Variants in FTO observed in about 807,000 individuals in gnomAD.
The protein encoded by FTO is alpha-ketoglutarate-dependent dioxygenase FTO.
In FTO, 47 loss-of-function variants were observed where a neutral mutation model predicts 63.9. That is an observed-to-expected ratio of 0.74 (90% CI 0.58 to 0.94). FTO has a LOEUF of 0.94. Among genes scored for constraint, FTO ranks in the 40% least tolerant of loss-of-function variants. The pLI is 0.00. For missense variants in FTO, 562 were observed against 618.1 expected (o/e 0.91, Z 0.96); for synonymous variants, 207 against 224.4 (o/e 0.92, Z 0.69).
intron 8 of FTO, among the ~76,000 whole-genome samples, chr16:54,065,193 C>T (rs1275608843): frequency 1.4e-5 from 2 of 147,952 alleles, no homozygotes; most frequent in African/African-American, 5.0e-5. Flanking sequence ...GGTCTTGCTC[C>T]ATCATCCAGT....
intron 8 of FTO, among the ~76,000 whole-genome samples, chr16:54,023,477 A>G (rs1244075068): frequency 6.6e-6 from 1 of 152,192 alleles, no homozygotes; most frequent in African/African-American, 2.4e-5. Flanking sequence ...ACCAAGGATA[A>G]TAATCTCACA....
chr16:54,119,373 A>G lies in FTO; in HGVS notation c.*7458A>G, dbSNP rs1386947762. 3 of 152,236 alleles carry G rather than the reference A, an allele frequency of 2.0e-5. No homozygotes were observed. The highest frequency in any genetic ancestry group is 7.2e-5 in the African/African-American group (3 of 41,462). 9.4% of individuals were successfully genotyped at this position (152,236 alleles called of 1,614,324 possible). On this transcript the variant is annotated 3_prime_UTR_variant, in exon 9 of 9. Coordinates refer to ENST00000471389, the MANE Select transcript of FTO (RefSeq NM_001080432.3). ...CAAGAGATGAATCAGTTTCTCAGAC[A>G]GCCAAAGCCGTGGCTTATAACTCAT...
chr16:53,904,505 CA>C (rs1217053125), intron 7 of FTO, among the ~76,000 whole-genome samples: 1 of 152,190 alleles, frequency 6.6e-6, no homozygotes, highest in Non-Finnish European at 1.5e-5. Context: ...ACTTGTGCGT[CA>C]AATCAACTGA....
chr16:53,712,910 A>G (rs1441459748), intron 1 of FTO, among the ~76,000 whole-genome samples: 1 of 150,820 alleles, frequency 6.6e-6, no homozygotes, highest in African/African-American at 2.4e-5. Flanking sequence ...AGATTTTGGC[A>G]TGTAGATGAT....
At chr16:53,834,145 C>A (rs1474756309) in intron 3 of FTO, among the ~76,000 whole-genome samples, 1 of 152,080 alleles carries the variant, frequency 6.6e-6, no homozygotes, top group Non-Finnish European at 1.5e-5. Context: ...CTGTCTCAGC[C>A]CCCTGAGTAG....
In FTO at chr16:54,114,421, A is replaced by T. The variant is rs1368732457; in HGVS notation, c.*2506A>T. 1.3e-5 allele frequency: 2 copies of T among 152,184 alleles called. No individual in the cohort carries two copies. Among genetic ancestry groups the T allele is most frequent in the African/African-American group, 4.8e-5 (2 of 41,446 alleles). The allele number at this position is 152,184 out of a possible 1,614,324, so 9.4% of individuals were successfully genotyped here. On this transcript the variant is annotated 3_prime_UTR_variant, in exon 9 of 9. Transcript: ENST00000471389. The stretch of plus-strand genomic sequence containing the variant: ...GTACTAATGTCATTTGCATCATAAA[A>T]TATTCATATCCAATAAACATATTAA...
chr16:54,066,489 G>A (rs2540786), intron 8 of FTO, among the ~76,000 whole-genome samples: 9,675 of 152,308 alleles, frequency 0.064, 437 homozygotes, highest in East Asian at 0.14. Flanking sequence ...TCCCATGCCA[G>A]TGAAGCTGCA....
At chr16:53,875,421 G>A (rs943643081) in intron 5 of FTO, among the ~76,000 whole-genome samples, 4 of 152,136 alleles carry the variant, frequency 2.6e-5, no homozygotes, top group African/African-American at 9.7e-5. Flanking sequence ...GTTCTTATGA[G>A]GATTAAATTA....
chr16:53,869,218 T>C (rs930972506), intron 4 of FTO, among the ~76,000 whole-genome samples: 4 of 152,146 alleles, frequency 2.6e-5, no homozygotes, highest in African/African-American at 9.7e-5. Context: ...CCTTAAGTAT[T>C]TCACTTCACT....
chr16:53,748,594 A>G (rs545681102), intron 1 of FTO, among the ~76,000 whole-genome samples: 1 of 152,100 alleles, frequency 6.6e-6, no homozygotes, highest in African/African-American at 2.4e-5. Flanking sequence ...AGCTGGGCCT[A>G]CAGGTGTGCA....
chr16:54,081,072 T>C (rs950071016), intron 8 of FTO, among the ~76,000 whole-genome samples: 7 of 151,948 alleles, frequency 4.6e-5, no homozygotes, highest in African/African-American at 1.5e-4. Flanking sequence ...GGAGTTGGGA[T>C]TTTTTTTCCC....
Position 53,959,480 on chromosome 16 carries a change from G to A in FTO, c.1364+25371G>A, listed in dbSNP as rs543080330. 4.9e-4 allele frequency among the ~76,000 whole-genome samples: 75 copies of A among 152,104 alleles called. 1 individual carries two copies. In the South Asian group the frequency reaches 0.015, roughly 31 times the overall value. On this transcript the variant is annotated intron_variant, in intron 8 of 8. Transcript: ENST00000471389. The stretch of plus-strand genomic sequence containing the variant: ...TACTGATGTAAGCAGAGTGCTTTGA[G>A]AATGTCAGTAGTAGCTAATAATAAT...
intron 1 of FTO, among the ~76,000 whole-genome samples, chr16:53,704,945 G>C (rs1299499741): frequency 6.6e-6 from 1 of 152,034 alleles, no homozygotes; most frequent in Non-Finnish European, 1.5e-5. Flanking sequence ...CAGAAGCATT[G>C]AGTGTTTTCC....
chr16:53,870,449 G>T (rs2080463314), intron 4 of FTO, among the ~76,000 whole-genome samples: 1 of 152,104 alleles, frequency 6.6e-6, no homozygotes, highest in Admixed American at 6.5e-5. Context: ...TTCTATCCTG[G>T]AACTGGTTCC....
intron 2 of FTO, among the ~76,000 whole-genome samples, chr16:53,820,805 T>C (rs934771296): frequency 1.3e-5 from 2 of 152,060 alleles, no homozygotes; most frequent in South Asian, 4.1e-4. Flanking sequence ...AAGGTTTCTA[T>C]AAGAAAATGA....
intron 8 of FTO, among the ~76,000 whole-genome samples, chr16:54,101,958 C>CT (rs199860291): frequency 1.7e-3 from 266 of 152,006 alleles, no homozygotes; most frequent in African/African-American, 6.0e-3. Flanking sequence ...TGCATGTATG[C>CT]TTTTTTTTGA....
chr16:54,041,869 C>T (rs76786523), intron 8 of FTO, among the ~76,000 whole-genome samples: 2,797 of 152,194 alleles, frequency 0.018, 85 homozygotes, highest in African/African-American at 0.064. Context: ...ACGTGCTGCC[C>T]GATGTGCTGA....
At chr16:53,815,442 A>G (rs1307358512) in intron 2 of FTO, among the ~76,000 whole-genome samples, 1 of 152,002 alleles carries the variant, frequency 6.6e-6, no homozygotes, top group Non-Finnish European at 1.5e-5. Flanking sequence ...TGCCTCAACT[A>G]TGTAGGCCAC....
intron 8 of FTO, among the ~76,000 whole-genome samples, chr16:53,948,849 T>C (rs1174049464): frequency 6.6e-6 from 1 of 152,178 alleles, no homozygotes; most frequent in African/African-American, 2.4e-5. Context: ...TTCTCAAGAA[T>C]AGAAGGAATG....
Sources: allele counts gnomAD v4.1 joint callset (sites outside exome capture counted in the v4.1 genomes callset), GRCh38; gene constraint gnomAD v4.1.1; transcripts MANE v1.5; gene names NCBI Gene and HGNC (gene_info 2026-07-23, HGNC 2026-07-21).